TMEFF2: variants seen among roughly 807,000 people sequenced by gnomAD.
The protein encoded by TMEFF2 is transmembrane protein with EGF like and two follistatin like domains 2.
In TMEFF2, 28 loss-of-function variants were observed where a neutral mutation model predicts 53.8. The observed-to-expected ratio is 0.52, with a 90% CI of 0.39 to 0.71. TMEFF2 has a LOEUF of 0.71. TMEFF2 is among the 30% of genes least tolerant of loss of function. The pLI, the probability that TMEFF2 is intolerant of heterozygous loss-of-function variation, is 0.00. For missense variants in TMEFF2, 353 were observed against 455.2 expected, an observed-to-expected ratio of 0.78 and a Z score of 2.04; for synonymous variants, 162 against 166.3, an observed-to-expected ratio of 0.97 and a Z score of 0.20.
rs112952743 is a variant in TMEFF2, at chr2:192,042,486, C to T, written c.536+15193G>A. ...TAAAAGTGTGATAGGAAGTGAAATCCGTGAAGAGGTGTGCTACACTCCAAA... is the reference window on the plus strand; with the variant it reads ...TAAAAGTGTGATAGGAAGTGAAATCTGTGAAGAGGTGTGCTACACTCCAAA... On this transcript the variant is annotated intron_variant, in intron 5 of 9. Transcript: ENST00000272771. 2.7e-3 allele frequency among the ~76,000 whole-genome samples: 412 copies of T among 152,166 alleles called. 1 individual carries two copies. The highest frequency in any genetic ancestry group is 9.3e-3 in the African/African-American group (388 of 41,516).
At chr2:191,951,419 A>AGAGAAAAGATTT (rs2105782158) in intron 9 of TMEFF2, among the ~76,000 whole-genome samples, 1 of 152,274 alleles carries the variant, frequency 6.6e-6, no homozygotes, top group African/African-American at 2.4e-5. Context: ...GTGATGCAAA[A>AGAGAAAAGATTT]GAGAAAAGAT....
At chr2:192,049,672 C>T (rs1323294981) in intron 5 of TMEFF2, among the ~76,000 whole-genome samples, 3 of 152,000 alleles carry the variant, frequency 2.0e-5, no homozygotes, top group Non-Finnish European at 4.4e-5. Flanking sequence ...CAGGGTGTGG[C>T]CTGCAACAAG....
chr2:192,132,805 C>G (rs1383397686), intron 4 of TMEFF2, among the ~76,000 whole-genome samples: 1 of 152,196 alleles, frequency 6.6e-6, no homozygotes, highest in East Asian at 1.9e-4. Flanking sequence ...GAGTGTTCAA[C>G]TCACCTGGCA....
At position 191,949,682 on chromosome 2, in the gene TMEFF2, C is replaced by T. The variant is rs1691810168; in HGVS notation, c.*629G>A. The T allele has an allele frequency of 2.0e-6, 2 of 985,340 alleles. No individual in the cohort carries two copies. The highest frequency in any genetic ancestry group is 2.4e-6 in the Non-Finnish European group (2 of 829,926). The allele number at this position is 985,340 out of a possible 1,614,324, so 61.0% of individuals were successfully genotyped here. The stretch of plus-strand genomic sequence containing the variant: ...CCTTTATGAGTTATAAAACACTTTC[C>T]CTCCCCTTCTTCTTTTATTTAGTTT... On this transcript the variant is annotated 3_prime_UTR_variant, in exon 10 of 10. Transcript: ENST00000272771.
chr2:192,129,751 A>G (rs534201548), intron 4 of TMEFF2, among the ~76,000 whole-genome samples: 1 of 152,334 alleles, frequency 6.6e-6, no homozygotes, highest in East Asian at 1.9e-4. Context: ...GTGACTAGCA[A>G]GCAAGATTGA....
intron 4 of TMEFF2, chr2:192,178,700 AG>A (rs1276427958): frequency 6.6e-6 from 1 of 151,244 alleles, no homozygotes; most frequent in East Asian, 1.9e-4. Context: ...AACTAGATAA[AG>A]GGTGCACTAA....
chr2:191,969,264 T>G (rs970030742), intron 7 of TMEFF2, among the ~76,000 whole-genome samples: 11 of 152,060 alleles, frequency 7.2e-5, no homozygotes, highest in African/African-American at 2.7e-4. Context: ...GGAGATATGT[T>G]TGGCAGCTAC....
intron 4 of TMEFF2, among the ~76,000 whole-genome samples, chr2:192,133,177 C>T (rs1391434909): frequency 6.6e-6 from 1 of 152,068 alleles, no homozygotes; most frequent in Non-Finnish European, 1.5e-5. Context: ...CCTTATTAGG[C>T]GGAGACACTT....
chr2:192,084,921 A>AAT (rs1688634151), intron 4 of TMEFF2, among the ~76,000 whole-genome samples: 1 of 152,312 alleles, frequency 6.6e-6, no homozygotes, highest in East Asian at 1.9e-4. Context: ...TTAAAAATGC[A>AAT]ATTGTAGCTG....
chr2:192,161,679 C>G (rs1254313643), intron 4 of TMEFF2, among the ~76,000 whole-genome samples: 1 of 152,254 alleles, frequency 6.6e-6, no homozygotes, highest in Admixed American at 6.5e-5. Context: ...AGAAAACAGG[C>G]TTTGGAGCCA....
intron 2 of TMEFF2, among the ~76,000 whole-genome samples, chr2:192,184,858 A>G (rs887636143): frequency 4.6e-5 from 7 of 152,140 alleles, no homozygotes; most frequent in Non-Finnish European, 1.0e-4. Context: ...ATTTCAAGCT[A>G]TTAAAAAACA....
intron 5 of TMEFF2, among the ~76,000 whole-genome samples, chr2:192,006,446 C>A (rs1686503933): frequency 6.6e-6 from 1 of 152,054 alleles, no homozygotes; most frequent in Admixed American, 6.6e-5. Context: ...GACTGATGGC[C>A]ACATATTGAA....
chr2:192,008,305 C>T (rs746572840), intron 5 of TMEFF2, among the ~76,000 whole-genome samples: 70 of 152,190 alleles, frequency 4.6e-4, no homozygotes, highest in Non-Finnish European at 1.2e-4. Flanking sequence ...AAGTTGCTCC[C>T]ACGTCCCTCT....
chr2:192,128,130 C>T (rs1457880309), intron 4 of TMEFF2, among the ~76,000 whole-genome samples: 1 of 128,130 alleles, frequency 7.8e-6, no homozygotes, highest in Non-Finnish European at 1.6e-5. Flanking sequence ...AACTTAGGTC[C>T]AAATAAATTG....
chr2:191,984,465 T>A (rs1685929544), intron 7 of TMEFF2, among the ~76,000 whole-genome samples: 1 of 152,132 alleles, frequency 6.6e-6, no homozygotes, highest in Non-Finnish European at 1.5e-5. Context: ...AAAGTTTATG[T>A]TTCTATTCAT....
At chr2:192,104,130 T>A (rs1178315682) in intron 4 of TMEFF2, among the ~76,000 whole-genome samples, 1 of 152,080 alleles carries the variant, frequency 6.6e-6, no homozygotes, top group Non-Finnish European at 1.5e-5. Context: ...AGAGATAAAA[T>A]GTTGATGTTG....
intron 4 of TMEFF2, among the ~76,000 whole-genome samples, chr2:192,102,642 T>TC (rs1418410186): frequency 9.4e-5 from 14 of 148,402 alleles, no homozygotes; most frequent in Middle Eastern, 3.4e-3. Flanking sequence ...TTTTTTTTTT[T>TC]TTTTGAGATC....
At chr2:192,137,158 T>C (rs1298844486) in intron 4 of TMEFF2, among the ~76,000 whole-genome samples, 1 of 152,244 alleles carries the variant, frequency 6.6e-6, no homozygotes, top group Non-Finnish European at 1.5e-5. Flanking sequence ...CATAACTTTC[T>C]GTGCTCCTTT....
At chr2:192,012,077 G>T (rs1686641542) in intron 5 of TMEFF2, among the ~76,000 whole-genome samples, 1 of 151,886 alleles carries the variant, frequency 6.6e-6, no homozygotes, top group Admixed American at 6.6e-5. Flanking sequence ...CTAATTTTTT[G>T]TATTTTTAGT....
Sources: allele counts gnomAD v4.1 joint callset (sites outside exome capture counted in the v4.1 genomes callset), GRCh38; gene constraint gnomAD v4.1.1; transcripts MANE v1.5; gene names NCBI Gene and HGNC (gene_info 2026-07-23, HGNC 2026-07-21).